SORCS1: variants seen among roughly 807,000 people sequenced by gnomAD.
The protein encoded by SORCS1 is VPS10 domain-containing receptor SorCS1.
A neutral mutation model predicts 146.1 loss-of-function variants in SORCS1; 60 were observed. The ratio of observed to expected loss-of-function variants is 0.41; its 90% CI spans 0.33 to 0.51. The LOEUF is 0.51. SORCS1 is among the 20% of genes least tolerant of loss of function. SORCS1 has a pLI of 0.21. For missense variants in SORCS1, 1,352 were observed against 1,487.6 expected, an observed-to-expected ratio of 0.91 and a Z score of 1.50; for synonymous variants, 637 against 584.0, an observed-to-expected ratio of 1.09 and a Z score of -1.31.
chr10:106,791,913 TCCTTTTTCCCTC>T (rs1253903326), intron 3 of SORCS1, among the ~76,000 whole-genome samples: 1 of 152,206 alleles, frequency 6.6e-6, no homozygotes, highest in East Asian at 1.9e-4. Flanking sequence ...ATTTTTTCAT[TCCTTTTTCCCTC>T]CCTTTTATCC....
intron 1 of SORCS1, among the ~76,000 whole-genome samples, chr10:107,076,034 A>C (rs1182653350): frequency 6.6e-6 from 1 of 152,156 alleles, no homozygotes; most frequent in African/African-American, 2.4e-5. Flanking sequence ...GCTACTAATT[A>C]AGTGACTTTC....
At chr10:107,136,184 T>A (rs548761431) in intron 1 of SORCS1, among the ~76,000 whole-genome samples, 1 of 152,098 alleles carries the variant, frequency 6.6e-6, no homozygotes, top group Non-Finnish European at 1.5e-5. Flanking sequence ...GGAGGCAACA[T>A]TGAGAAATCC....
chr10:106,978,476 G>T (rs1054321128), intron 1 of SORCS1, among the ~76,000 whole-genome samples: 1 of 152,080 alleles, frequency 6.6e-6, no homozygotes, highest in Non-Finnish European at 1.5e-5. Flanking sequence ...TGTAAGGAGC[G>T]GATTAGCAAG....
chr10:106,589,764 A>G (rs1429957793), intron 24 of SORCS1, among the ~76,000 whole-genome samples: 1 of 151,800 alleles, frequency 6.6e-6, no homozygotes, highest in Non-Finnish European at 1.5e-5. Flanking sequence ...AAATTACCAT[A>G]TCTTGCCACT....
At chr10:106,715,734 A>T (rs891062246) in intron 6 of SORCS1, among the ~76,000 whole-genome samples, 1 of 152,214 alleles carries the variant, frequency 6.6e-6, no homozygotes, top group African/African-American at 2.4e-5. Flanking sequence ...AGTGCTAAGG[A>T]TATTTCTACC....
chr10:106,950,641 T>C (rs1363374540), intron 2 of SORCS1, among the ~76,000 whole-genome samples: 1 of 151,880 alleles, frequency 6.6e-6, no homozygotes, highest in Non-Finnish European at 1.5e-5. Context: ...TATATAGATA[T>C]TATATAATAA....
chr10:107,112,347 T>C (rs1332613677), intron 1 of SORCS1, among the ~76,000 whole-genome samples: 1 of 152,084 alleles, frequency 6.6e-6, no homozygotes, highest in Non-Finnish European at 1.5e-5. Flanking sequence ...GTTTTACGTA[T>C]GTTCCATGGT....
intron 1 of SORCS1, among the ~76,000 whole-genome samples, chr10:106,961,351 C>T (rs1288483791): frequency 1.3e-5 from 2 of 152,158 alleles, no homozygotes; most frequent in Admixed American, 1.3e-4. Context: ...AAACTCCAAA[C>T]ATTTAAGGAA....
intron 1 of SORCS1, among the ~76,000 whole-genome samples, chr10:107,144,775 A>G (rs941102865): frequency 6.6e-6 from 1 of 152,214 alleles, no homozygotes; most frequent in East Asian, 1.9e-4. Flanking sequence ...GCTAGAACCT[A>G]TCAATATAAG....
At chr10:106,599,834 C>T (rs1011703203) in intron 23 of SORCS1, among the ~76,000 whole-genome samples, 23 of 151,510 alleles carry the variant, frequency 1.5e-4, no homozygotes, top group South Asian at 6.3e-4. Context: ...TGCAATGGCG[C>T]GATCTCGGCT....
intron 1 of SORCS1, among the ~76,000 whole-genome samples, chr10:106,989,938 G>A (rs1017881641): frequency 4.0e-5 from 6 of 151,590 alleles, no homozygotes; most frequent in South Asian, 2.1e-4. Context: ...CACCTGCCTC[G>A]GCCTCCCACA....
chr10:106,745,529 G>A (rs570860874), intron 5 of SORCS1, among the ~76,000 whole-genome samples: 2 of 152,276 alleles, frequency 1.3e-5, no homozygotes, highest in African/African-American at 4.8e-5. Flanking sequence ...GGCAAGATTG[G>A]CTATGAATAC....
At chr10:106,593,120 C>T (rs1476813671) in intron 24 of SORCS1, among the ~76,000 whole-genome samples, 1 of 149,040 alleles carries the variant, frequency 6.7e-6, no homozygotes, top group African/African-American at 2.5e-5. Context: ...CTGGGTGAGA[C>T]CCCATCTCAA....
Position 106,830,419 on chromosome 10 carries a change from G to A in SORCS1, c.627-746C>T, listed in dbSNP as rs147919808. On this transcript the variant is annotated intron_variant, in intron 2 of 25. Transcript: ENST00000263054. ...TCATCATGACAACTATGTACAATAG[G>A]GATTATTATCTGTCTTTGATGAAAA... 3.5e-3 allele frequency among the ~76,000 whole-genome samples: 533 copies of A among 151,978 alleles called. 4 individuals carry two copies. The highest frequency in any genetic ancestry group is 6.2e-3 in the Non-Finnish European group (420 of 67,976).
intron 1 of SORCS1, among the ~76,000 whole-genome samples, chr10:107,078,188 AT>A (rs1433621371): frequency 3.3e-5 from 5 of 152,214 alleles, no homozygotes; most frequent in Non-Finnish European, 5.9e-5. Context: ...TAATTCACCA[AT>A]AAAAATATTT....
At chr10:106,864,455 G>A (rs1950150948) in intron 2 of SORCS1, among the ~76,000 whole-genome samples, 1 of 152,148 alleles carries the variant, frequency 6.6e-6, no homozygotes, top group African/African-American at 2.4e-5. Flanking sequence ...CTAAGTGGGG[G>A]CTTAGCAGAG....
chr10:106,902,160 G>A (rs1392506001), intron 2 of SORCS1, among the ~76,000 whole-genome samples: 2 of 152,112 alleles, frequency 1.3e-5, no homozygotes, highest in African/African-American at 2.4e-5. Flanking sequence ...ATATCAATGA[G>A]AGTATAAATT....
intron 1 of SORCS1, among the ~76,000 whole-genome samples, chr10:107,047,203 G>A (rs1047987128): frequency 1.3e-5 from 2 of 151,970 alleles, no homozygotes; most frequent in Non-Finnish European, 1.5e-5. Flanking sequence ...TGGCCAGCCT[G>A]GTCTTGAACT....
chr10:107,003,080 A>AC (rs1957283254), intron 1 of SORCS1, among the ~76,000 whole-genome samples: 1 of 152,030 alleles, frequency 6.6e-6, no homozygotes, highest in African/African-American at 2.4e-5. Context: ...ACATGGTGAA[A>AC]CCTGTCTCTA....
Sources: gnomAD v4.1 joint callset for allele counts (sites outside exome capture counted in the v4.1 genomes callset) on GRCh38, gnomAD v4.1.1 for gene constraint, MANE v1.5 for transcripts, NCBI Gene and HGNC (gene_info 2026-07-23, HGNC 2026-07-21) for gene names.